IL12RB1: variants seen among roughly 807,000 people sequenced by gnomAD.
The protein encoded by IL12RB1 is interleukin 12 receptor subunit beta 1, also known as interleukin-12 receptor subunit beta-1.
A neutral mutation model predicts 94.4 loss-of-function variants in IL12RB1; 64 were observed. That is an observed-to-expected ratio of 0.68 (90% CI 0.55 to 0.83). The LOEUF (loss-of-function observed/expected upper bound fraction) is 0.83, where lower values mean the gene tolerates loss of function less well. IL12RB1 is among the 40% of genes least tolerant of loss of function. The pLI is 0.00. For synonymous variants in IL12RB1, 362 were observed against 355.5 expected (o/e 1.02, Z -0.21); for missense variants, 814 against 855.6 (o/e 0.95, Z 0.61).
rs773910810 is a variant in IL12RB1, at chr19:18,083,423, G to T, written c.124+9C>A. The T allele has an allele frequency of 1.9e-6, 3 of 1,613,446 alleles. No individual in the cohort carries two copies. Among genetic ancestry groups the T allele is most frequent in the South Asian group, 1.1e-5 (1 of 91,086 alleles). ...AATCCTCAGCCAACAATGAGGAACTGCCCCGAACCTGAGTCTGCATCCGGA... is the reference window on the plus strand; with the variant it reads ...AATCCTCAGCCAACAATGAGGAACTTCCCCGAACCTGAGTCTGCATCCGGA... On this transcript the variant is annotated intron_variant, in intron 2 of 16. Transcript: ENST00000593993.
Position 18,061,203 on chromosome 19 carries a change from G to C in IL12RB1, c.1716-6C>G. 6.6e-7 allele frequency: 1 copy of C among 1,525,670 alleles called. No individual in the cohort carries two copies. Among genetic ancestry groups the C allele is most frequent in the South Asian group, 1.2e-5 (1 of 84,462 alleles). 94.5% of individuals were successfully genotyped at this position (1,525,670 alleles called of 1,614,324 possible). On this transcript the variant is annotated splice_region_variant and splice_polypyrimidine_tract_variant and intron_variant, in intron 14 of 16. Coordinates refer to ENST00000593993, the MANE Select transcript of IL12RB1 (RefSeq NM_005535.3). Reference sequence around the variant, plus strand: ...GGCACAGGTGCCGTGCGGCCCTGGGGAGGAAAGGGGACCAGTGAGAGGAGC... The same window carrying C: ...GGCACAGGTGCCGTGCGGCCCTGGGCAGGAAAGGGGACCAGTGAGAGGAGC...
intron 11 of IL12RB1, 52 bp downstream of exon 11, chr19:18,068,336 TA>T: frequency 6.9e-7 from 1 of 1,450,872 alleles, no homozygotes; most frequent in Non-Finnish European, 9.3e-7. Flanking sequence ...TCTATTTTTT[TA>T]AATTATTTAA....
intron 15 of IL12RB1, among the ~76,000 whole-genome samples, chr19:18,060,583 CACAGATGGTGTGGTTG>C (rs2034048641): frequency 6.6e-6 from 1 of 152,108 alleles, no homozygotes; most frequent in African/African-American, 2.4e-5. Flanking sequence ...TCCCTCTTTT[CACAGATGGTGTGGTTG>C]ACAGTGCAGT....
rs1452899194 is a variant in IL12RB1, at chr19:18,073,554, C to T, written c.746G>A (p.Gly249Asp). 5.6e-6 allele frequency: 9 copies of T among 1,602,586 alleles called. No homozygotes were observed. Among genetic ancestry groups the T allele is most frequent in the Non-Finnish European group, 6.8e-6 (8 of 1,175,050 alleles). Residue 249 changes from glycine (G) to aspartate (D), a missense_variant, in exon 8 of 17, where the codon GGC becomes GAC. Gly to Asp is a moderately conservative substitution (Grantham distance 94). Transcript: ENST00000593993. ...PQVRFSVEQL[G>D]QDGRRRLTLK... Reference sequence around the variant, plus strand: ...GGTCAGCCGCCTCCTCCCATCCTGGCCCAGCTGCTCCACCGAGAATCTCAC... The same window carrying T: ...GGTCAGCCGCCTCCTCCCATCCTGGTCCAGCTGCTCCACCGAGAATCTCAC...
Position 18,061,168 on chromosome 19 carries a change from G to A in IL12RB1, c.1745C>T (p.Pro582Leu), listed in dbSNP as rs1194914656. 1 of 1,597,910 alleles carries A rather than the reference G, an allele frequency of 6.3e-7. No individual in the cohort carries two copies. The highest frequency in any genetic ancestry group is 8.5e-7 in the Non-Finnish European group (1 of 1,170,942). The stretch of plus-strand genomic sequence containing the variant: ...AATGGCGGAGCTGGCACAGGGTGTG[G>A]GCAGCGGCGGGCACAGGTGCCGTGC... The part of the protein sequence containing the change: ...RAARHLCPPL[P>L]TPCASSAIEF... The change falls in exon 15 of 17, where the codon CCC (proline) becomes CTC (leucine). Residue 582 changes from proline (P) to leucine (L), a missense_variant. By Grantham distance (98) the Pro-to-Leu change is moderately conservative (BLOSUM62 -3). Coordinates refer to ENST00000593993, the MANE Select transcript of IL12RB1 (RefSeq NM_005535.3).
intron 4 of IL12RB1, 84 bp from the exon 5 acceptor site, chr19:18,077,739 A>T (rs2035592959): frequency 2.4e-6 from 2 of 827,684 alleles, no homozygotes; most frequent in Non-Finnish European, 4.3e-6. Flanking sequence ...TGTCCAGGGT[A>T]AGCAACTGAA....
At chr19:18,091,873 T>C (rs535361441), upstream of IL12RB1, among the ~76,000 whole-genome samples, 365 of 150,084 alleles carry the variant, frequency 2.4e-3, 1 homozygote, top group Non-Finnish European at 3.1e-3. Flanking sequence ...CTTTTCTTTT[T>C]TTTTTTTTTT....
At chr19:18,086,957 A>G (rs1314915005), upstream of IL12RB1, 7 of 1,539,950 alleles carry the variant, frequency 4.5e-6, no homozygotes, top group Non-Finnish European at 6.1e-6. Flanking sequence ...AAAAGAAAAA[A>G]AGTAAAGTGT....
intron 16 of IL12RB1, 140 bp from the exon 17 acceptor site, chr19:18,059,753 G>C: frequency 1.4e-6 from 1 of 732,692 alleles, no homozygotes; most frequent in South Asian, 1.4e-5. Context: ...GTCGCTCTTC[G>C]TGTCTGTAAG....
At chr19:18,087,474 T>C (rs1007489249), upstream of IL12RB1, among the ~76,000 whole-genome samples, 1 of 151,886 alleles carries the variant, frequency 6.6e-6, no homozygotes, top group East Asian at 1.9e-4. Context: ...CCTCCCAAAG[T>C]GCTGGGATGA....
At chr19:18,061,698 T>C (rs1373610746) in intron 14 of IL12RB1, among the ~76,000 whole-genome samples, 1 of 151,862 alleles carries the variant, frequency 6.6e-6, no homozygotes, top group African/African-American at 2.4e-5. Flanking sequence ...CTATCTCTAC[T>C]GAAAATACAA....
At chr19:18,081,041 C>A in intron 3 of IL12RB1, 40 bp from the exon 4 acceptor site, 1 of 1,584,646 alleles carries the variant, frequency 6.3e-7, no homozygotes, top group South Asian at 1.1e-5. Context: ...AGTCTGGGGT[C>A]CTAGTGGACC....
At chr19:18,097,492 C>T (rs1273502135) in intron 1 of IL12RB1, among the ~76,000 whole-genome samples, 2 of 152,232 alleles carry the variant, frequency 1.3e-5, no homozygotes, top group Admixed American at 6.5e-5. Flanking sequence ...GCCACTGCGC[C>T]CGGCCAATGC....
At position 18,066,705 on chromosome 19, in the gene IL12RB1, C is replaced by A; in HGVS notation, c.1328-8G>T. The A allele has an allele frequency of 2.5e-6, 4 of 1,606,258 alleles. No homozygotes were observed. The South Asian group carries it at 4.4e-5, about 18-fold the overall frequency. On this transcript the variant is annotated splice_polypyrimidine_tract_variant and splice_region_variant and intron_variant, in intron 11 of 16. Coordinates refer to ENST00000593993, the MANE Select transcript of IL12RB1 (RefSeq NM_005535.3). The stretch of plus-strand genomic sequence containing the variant: ...GTGTCCCAGCTGCTGAGGCTGCAAC[C>A]AGTACCATTGTCATAGTCAACACCA...
chr19:18,062,102 G>A (rs2034177360), intron 14 of IL12RB1, 79 bp downstream of exon 14: 1 of 947,368 alleles, frequency 1.1e-6, no homozygotes, highest in African/African-American at 1.6e-5. Flanking sequence ...GACCCAATCT[G>A]CGGGCTAAGC....
chr19:18,063,972 T>C lies in IL12RB1; in HGVS notation c.1522A>G (p.Ser508Gly), dbSNP rs371186623. 2 of 1,612,372 alleles carry C rather than the reference T, an allele frequency of 1.2e-6. No homozygotes were observed. The highest frequency in any genetic ancestry group is 1.7e-6 in the Non-Finnish European group (2 of 1,178,602). Residue 508 changes from serine to glycine, a missense_variant, in exon 13 of 17, where the codon AGT becomes GGT. Coordinates refer to ENST00000593993, the MANE Select transcript of IL12RB1 (RefSeq NM_005535.3). The part of the protein sequence containing the change: ...VQPTETQVTL[S>G]GLRAGVAYTV... ...TAGGCTACACCAGCCCGCAGGCCACTGAGGGTAACTTGGGTCTCTGTGGGC... is the reference window on the plus strand; with the variant it reads ...TAGGCTACACCAGCCCGCAGGCCACCGAGGGTAACTTGGGTCTCTGTGGGC...
At position 18,075,559 on chromosome 19, in the gene IL12RB1, C is replaced by A. The variant is rs423852; in HGVS notation, c.700+190G>T. 6.1e-3 allele frequency among the ~76,000 whole-genome samples: 931 copies of A among 152,236 alleles called. 10 individuals are homozygous for A. Among genetic ancestry groups the A allele is most frequent in the African/African-American group, 0.021 (883 of 41,540 alleles). On this transcript the variant is annotated intron_variant, in intron 7 of 16. Transcript: ENST00000593993. ...TACAGGCATCAGCCACCACGCCCAG[C>A]CCCATTTTATTTTATTTTTTAGAGA...
At chr19:18,091,731 T>G (rs1162961871), upstream of IL12RB1, among the ~76,000 whole-genome samples, 2 of 152,160 alleles carry the variant, frequency 1.3e-5, no homozygotes, top group Admixed American at 1.3e-4. Context: ...AGGGTCTCAC[T>G]CTGTTACCCA....
intron 9 of IL12RB1, among the ~76,000 whole-genome samples, chr19:18,071,627 A>AAAC (rs1568498469): frequency 1.3e-5 from 2 of 151,686 alleles, no homozygotes; most frequent in African/African-American, 4.8e-5. Flanking sequence ...TCTCTTAAAA[A>AAAC]AAACAAACCA....
Sources: allele counts gnomAD v4.1 joint callset (sites outside exome capture counted in the v4.1 genomes callset), GRCh38; gene constraint gnomAD v4.1.1; transcripts MANE v1.5; gene names NCBI Gene and HGNC (gene_info 2026-07-23, HGNC 2026-07-21).